ACOT7: variants seen among roughly 807,000 people sequenced by gnomAD.
ACOT7 encodes the protein cytosolic acyl coenzyme A thioester hydrolase.
Under a neutral mutation model 40.2 loss-of-function variants are expected in ACOT7, and 12 were observed. That is an observed-to-expected ratio of 0.30 (90% CI 0.19 to 0.48). The LOEUF (loss-of-function observed/expected upper bound fraction) is 0.48. Among genes scored for constraint, ACOT7 ranks in the 20% least tolerant of loss-of-function variants. The pLI is 0.99. For missense variants in ACOT7, 395 were observed against 530.8 expected (o/e 0.74, Z 2.51); for synonymous variants, 228 against 219.5 (o/e 1.04, Z -0.34).
chr1:6,339,710 C>T (rs1641210880), intron 2 of ACOT7, 121 bp from the exon 3 acceptor site: 1 of 1,140,328 alleles, frequency 8.8e-7, no homozygotes, highest in Non-Finnish European at 1.2e-6. Context: ...GTGAAAGCAA[C>T]CAATGTATCA....
Position 6,393,493 on chromosome 1 carries a change from C to A in ACOT7, c.-94G>T, listed in dbSNP as rs547621310. 3.6e-6 allele frequency: 4 copies of A among 1,118,150 alleles called. No individual in the cohort carries two copies. In the South Asian group the frequency reaches 1.8e-4, roughly 51 times the overall value. 69.3% of individuals were successfully genotyped at this position (1,118,150 alleles called of 1,614,324 possible). A position where few individuals can be genotyped will look rare whatever the true frequency, so the allele number is the denominator to read the frequency against. On this transcript the variant is annotated 5_prime_UTR_variant, in exon 1 of 9. Transcript: ENST00000361521. ...CGCGGCCTCCCCGCGCCGACCCCGC[C>A]CCCGCGCCGGCCCCACCCCGAGCCC...
At chr1:6,279,543 G>C (rs1557628712) in intron 8 of ACOT7, among the ~76,000 whole-genome samples, 1 of 152,238 alleles carries the variant, frequency 6.6e-6, no homozygotes, top group African/African-American at 2.4e-5. Context: ...AGTCATGCAA[G>C]GGTGGGTCAC....
At chr1:6,371,919 C>T (rs1166773520) in intron 1 of ACOT7, among the ~76,000 whole-genome samples, 1 of 151,918 alleles carries the variant, frequency 6.6e-6, no homozygotes, top group African/African-American at 2.4e-5. Context: ...GTAACGTGCA[C>T]CTGTAGACCC....
intron 1 of ACOT7, among the ~76,000 whole-genome samples, chr1:6,383,010 C>G (rs1482670972): frequency 6.6e-6 from 1 of 151,080 alleles, no homozygotes; most frequent in Non-Finnish European, 1.5e-5. Context: ...TCCCAAGTAG[C>G]TGGGACTACA....
intron 6 of ACOT7, chr1:6,307,028 G>T: frequency 1.1e-6 from 1 of 932,380 alleles, no homozygotes; most frequent in Non-Finnish European, 1.5e-6. Flanking sequence ...CTCAGGCTAA[G>T]CTGTGCTGTC....
chr1:6,358,818 G>A lies in ACOT7; in HGVS notation c.144-8952C>T, dbSNP rs749399808. 17 of 1,613,534 alleles carry A rather than the reference G, an allele frequency of 1.1e-5. No homozygotes were observed. The East Asian group carries it at 3.6e-4, about 34-fold the overall frequency. ...GCACGGCCTAGACATGCCCATGACT[G>A]GCAGTACCTGCTCAGCTGGAAAGCC... On this transcript the variant is annotated intron_variant, in intron 1 of 8. Transcript: ENST00000361521. This position sits in a 1 kb window ranked among gnomAD's most constrained non-coding sequence, Gnocchi z 4.1.
At chr1:6,363,673 G>A (rs1243582295) in intron 1 of ACOT7, among the ~76,000 whole-genome samples, 1 of 152,052 alleles carries the variant, frequency 6.6e-6, no homozygotes, top group Non-Finnish European at 1.5e-5. Flanking sequence ...CAGTGCACAT[G>A]TGACCCACGT....
At chr1:6,375,953 A>AG (rs1642222721) in intron 1 of ACOT7, among the ~76,000 whole-genome samples, 1 of 130,150 alleles carries the variant, frequency 7.7e-6, no homozygotes, top group Non-Finnish European at 1.6e-5. Context: ...AAAAAAAAAA[A>AG]TTTTTTTAAA....
At chr1:6,324,939 C>G (rs11810650) in intron 5 of ACOT7, among the ~76,000 whole-genome samples, 10,198 of 152,214 alleles carry the variant, frequency 0.067, 493 homozygotes, top group African/African-American at 0.12. Flanking sequence ...CCTAAGACAC[C>G]TCCCGTTGCT....
intron 1 of ACOT7, among the ~76,000 whole-genome samples, chr1:6,377,699 T>C (rs1480608918): frequency 6.6e-6 from 1 of 152,090 alleles, no homozygotes; most frequent in Non-Finnish European, 1.5e-5. Flanking sequence ...AAAAGCTGAG[T>C]TCTAAATACA....
intron 2 of ACOT7, among the ~76,000 whole-genome samples, chr1:6,348,348 ACACG>A (rs1348705896): frequency 6.6e-6 from 1 of 151,926 alleles, no homozygotes; most frequent in African/African-American, 2.4e-5. Flanking sequence ...ACACACACAC[ACACG>A]CACACACACA....
rs141093267 is a variant in ACOT7, at chr1:6,264,788, G to A, written c.1015-93C>T. ...TGGCCTGGGGCCCTGCCCCCCACCC[G>A]TGGGATCTGCCCCACCCCTGGTGCA... On this transcript the variant is annotated intron_variant, in intron 8 of 8. Coordinates refer to ENST00000361521, the MANE Select transcript of ACOT7 (RefSeq NM_007274.4). The A allele has an allele frequency of 1.0e-3, 1,387 of 1,344,734 alleles. 8 individuals carry two copies. In the East Asian group the frequency reaches 0.017, roughly 17 times the overall value. 83.3% of individuals were successfully genotyped at this position (1,344,734 alleles called of 1,614,324 possible).
chr1:6,304,519 T>C (rs1168251541), intron 6 of ACOT7, among the ~76,000 whole-genome samples: 1 of 137,046 alleles, frequency 7.3e-6, no homozygotes, highest in East Asian at 2.1e-4. Flanking sequence ...GTCTCTGGTT[T>C]TCCTAGGCAG....
intron 3 of ACOT7, among the ~76,000 whole-genome samples, chr1:6,334,106 G>A (rs1009087052): frequency 6.6e-6 from 1 of 152,164 alleles, no homozygotes; most frequent in Non-Finnish European, 1.5e-5. Flanking sequence ...GGCTCCCAAC[G>A]AGCCTCCCAG....
At chr1:6,317,292 A>G (rs1640521203) in intron 6 of ACOT7, among the ~76,000 whole-genome samples, 1 of 152,260 alleles carries the variant, frequency 6.6e-6, no homozygotes, top group Admixed American at 6.5e-5. Flanking sequence ...TCAAAATTAC[A>G]GTAGCCATGA....
intron 2 of ACOT7, among the ~76,000 whole-genome samples, chr1:6,347,398 C>G (rs1298655204): frequency 6.6e-6 from 1 of 152,134 alleles, no homozygotes; most frequent in Non-Finnish European, 1.5e-5. Flanking sequence ...CATCTGCCTC[C>G]CCAGGTGGCC....
At chr1:6,305,916 C>T (rs1458963611) in intron 6 of ACOT7, among the ~76,000 whole-genome samples, 2 of 151,996 alleles carry the variant, frequency 1.3e-5, no homozygotes, top group Non-Finnish European at 2.9e-5. Context: ...ACTGAGTGAA[C>T]GAGACTCCGT....
chr1:6,325,156 T>C (rs1640762722), intron 5 of ACOT7, among the ~76,000 whole-genome samples: 1 of 152,216 alleles, frequency 6.6e-6, no homozygotes, highest in Non-Finnish European at 1.5e-5. Context: ...CCCAGCTCTT[T>C]GGGAGGCCGA....
At chr1:6,310,119 T>C (rs1387044990) in intron 6 of ACOT7, among the ~76,000 whole-genome samples, 1 of 152,230 alleles carries the variant, frequency 6.6e-6, no homozygotes, top group Non-Finnish European at 1.5e-5. Context: ...AAGGTGAAGC[T>C]GCCACAGGCT....
Sources: allele counts gnomAD v4.1 joint callset (sites outside exome capture counted in the v4.1 genomes callset), GRCh38; gene constraint gnomAD v4.1.1; non-coding constraint Gnocchi (gnomAD v3.1); transcripts MANE v1.5; gene names NCBI Gene and HGNC (gene_info 2026-07-23, HGNC 2026-07-21).